LINGO2: variants seen among roughly 807,000 people sequenced by gnomAD.
The protein encoded by LINGO2 is leucine-rich repeat and immunoglobulin-like domain-containing nogo receptor-interacting protein 2.
LINGO2 carries 14 observed loss-of-function variants against 30.6 expected under a neutral mutation model. The observed-to-expected ratio is 0.46, with a 90% CI of 0.30 to 0.72. The LOEUF (loss-of-function observed/expected upper bound fraction) is 0.72, where lower values mean the gene tolerates loss of function less well. LINGO2 is among the 30% of genes least tolerant of loss of function. The probability of loss-of-function intolerance (pLI) is 0.07; values close to 1 mark genes in which losing one functional copy is unlikely to be tolerated. For missense variants in LINGO2, 729 were observed against 751.7 expected, an observed-to-expected ratio of 0.97 and a Z score of 0.35; for synonymous variants, 317 against 288.5, an observed-to-expected ratio of 1.10 and a Z score of -1.00.
At chr9:28,544,762 T>G (rs1231907333) in intron 1 of LINGO2, among the ~76,000 whole-genome samples, 1 of 149,272 alleles carries the variant, frequency 6.7e-6, no homozygotes. Flanking sequence ...TTATGTTATA[T>G]ATTATATTAT....
At chr9:29,106,866 C>G in the LINGO2 span, among the ~76,000 whole-genome samples, 7 of 152,090 alleles carry the variant, frequency 4.6e-5, no homozygotes, top group Admixed American at 1.3e-4. Context: ...ATGATGGATA[C>G]ACACACAAAT....
chr9:28,573,191 T>C (rs182387771), intron 1 of LINGO2, among the ~76,000 whole-genome samples: 1 of 152,156 alleles, frequency 6.6e-6, no homozygotes, highest in Non-Finnish European at 1.5e-5. Flanking sequence ...AATCTGAACT[T>C]TATGTCAGTC....
the LINGO2 span, among the ~76,000 whole-genome samples, chr9:28,995,980 C>A: frequency 2.6e-5 from 4 of 151,326 alleles, no homozygotes; most frequent in Non-Finnish European, 4.4e-5. Flanking sequence ...TGTAACTAAT[C>A]TGCACATTGT....
the LINGO2 span, among the ~76,000 whole-genome samples, chr9:29,177,944 A>T: frequency 6.6e-6 from 1 of 152,142 alleles, no homozygotes; most frequent in Non-Finnish European, 1.5e-5. Flanking sequence ...AGTATTAAAC[A>T]TCTTCTTCCA....
the LINGO2 span, among the ~76,000 whole-genome samples, chr9:28,744,108 A>ATAT: frequency 7.3e-6 from 1 of 136,774 alleles, no homozygotes; most frequent in African/African-American, 2.8e-5. Flanking sequence ...ATATATATAT[A>ATAT]TTTTTTTTCT....
chr9:28,867,750 T>C, the LINGO2 span, among the ~76,000 whole-genome samples: 4 of 152,126 alleles, frequency 2.6e-5, no homozygotes, highest in Non-Finnish European at 2.9e-5. Context: ...AATGTTTAAA[T>C]AACAGAGCTA....
At chr9:28,557,889 C>T (rs997344541) in intron 1 of LINGO2, among the ~76,000 whole-genome samples, 2 of 150,834 alleles carry the variant, frequency 1.3e-5, no homozygotes, top group Admixed American at 6.6e-5. Context: ...AGCAAACTAT[C>T]GCAAGGACAA....
rs77478353 is a variant in LINGO2 at position 27,998,819 on chromosome 9, G to A, written c.-36+13536C>T. Among the ~76,000 whole-genome samples the A allele has an allele frequency of 6.8e-3, 1,035 of 152,100 alleles. 14 individuals are homozygous for A. Among genetic ancestry groups the A allele is most frequent in the African/African-American group, 0.024 (1,001 of 41,498 alleles). ...AACAGAACAAAACAAAACAGAATTC[G>A]AGTAAGAACTGCCCAGCTGAGATCC... On this transcript the variant is annotated intron_variant, in intron 5 of 5. Transcript: ENST00000379992.
At chr9:28,333,153 C>G (rs1452959044) in intron 3 of LINGO2, among the ~76,000 whole-genome samples, 3 of 152,108 alleles carry the variant, frequency 2.0e-5, no homozygotes, top group African/African-American at 7.2e-5. Flanking sequence ...GTGAGTCACA[C>G]AAAAAGAAGA....
At chr9:28,256,402 G>C (rs1309532568) in intron 4 of LINGO2, among the ~76,000 whole-genome samples, 2 of 151,810 alleles carry the variant, frequency 1.3e-5, no homozygotes, top group Non-Finnish European at 2.9e-5. Context: ...CTTCATGCTA[G>C]ACCGAATTCC....
intron 5 of LINGO2, among the ~76,000 whole-genome samples, chr9:27,999,745 G>C (rs995393237): frequency 2.0e-5 from 3 of 152,092 alleles, no homozygotes; most frequent in African/African-American, 4.8e-5. Flanking sequence ...GACTTCTATA[G>C]ATTAGGAGAG....
chr9:28,878,694 C>A, the LINGO2 span, among the ~76,000 whole-genome samples: 20 of 152,236 alleles, frequency 1.3e-4, no homozygotes, highest in African/African-American at 4.6e-4. Flanking sequence ...ATACGCAAAT[C>A]AATAAATGTA....
At chr9:28,181,798 C>T (rs1310685335) in intron 4 of LINGO2, among the ~76,000 whole-genome samples, 1 of 152,024 alleles carries the variant, frequency 6.6e-6, no homozygotes, top group Non-Finnish European at 1.5e-5. Flanking sequence ...TCTCTTATTT[C>T]CTCAAGCAGT....
At chr9:28,365,522 G>A (rs1318973328) in intron 3 of LINGO2, among the ~76,000 whole-genome samples, 2 of 152,100 alleles carry the variant, frequency 1.3e-5, no homozygotes, top group Non-Finnish European at 1.5e-5. Flanking sequence ...TTCCTAACCT[G>A]GAATGAGGCT....
chr9:29,074,839 C>CTTT, the LINGO2 span, among the ~76,000 whole-genome samples: 28 of 146,590 alleles, frequency 1.9e-4, no homozygotes, highest in South Asian at 2.2e-4. Context: ...AGCTAATTTG[C>CTTT]TTTTTTTTTT....
chr9:28,219,818 C>G (rs951935551), intron 4 of LINGO2, among the ~76,000 whole-genome samples: 1 of 152,108 alleles, frequency 6.6e-6, no homozygotes, highest in Non-Finnish European at 1.5e-5. Context: ...ATGCTACATA[C>G]TATGTTTTCC....
chr9:28,277,848 A>AC (rs1823178822), intron 4 of LINGO2, among the ~76,000 whole-genome samples: 2 of 146,282 alleles, frequency 1.4e-5, no homozygotes, highest in South Asian at 2.2e-4. Context: ...AAAAAAAAAA[A>AC]ACAAAAAAAA....
chr9:29,022,795 T>A, the LINGO2 span, among the ~76,000 whole-genome samples: 2 of 152,110 alleles, frequency 1.3e-5, no homozygotes, highest in South Asian at 4.1e-4. Context: ...CTCTCTCCCT[T>A]GTGATATAAC....
chr9:28,200,520 A>G (rs918323613), intron 4 of LINGO2, among the ~76,000 whole-genome samples: 3 of 152,124 alleles, frequency 2.0e-5, no homozygotes, highest in African/African-American at 7.2e-5. Flanking sequence ...AAAAATAACC[A>G]TTTACATATG....
Sources: gnomAD v4.1 joint callset for allele counts (sites outside exome capture counted in the v4.1 genomes callset) on GRCh38, gnomAD v4.1.1 for gene constraint, MANE v1.5 for transcripts, NCBI Gene and HGNC (gene_info 2026-07-23, HGNC 2026-07-21) for gene names.